The following ITGA6 variants were observed in gnomAD, a reference collection of about 807,000 sequenced individuals.
ITGA6 encodes the protein integrin alpha-6.
In ITGA6, 63 loss-of-function variants were observed where a neutral mutation model predicts 133.6. That is an observed-to-expected ratio of 0.47 (90% CI 0.38 to 0.58). ITGA6 has a LOEUF of 0.58. Among genes scored for constraint, ITGA6 ranks in the 20% least tolerant of loss-of-function variants. ITGA6 has a pLI of 0.00. For missense variants in ITGA6, 1,068 were observed against 1,309.4 expected (o/e 0.82, Z 2.85); for synonymous variants, 434 against 482.0 (o/e 0.90, Z 1.30).
At chr2:172,431,341 C>T (rs1489335434) in intron 1 of ITGA6, among the ~76,000 whole-genome samples, 1 of 152,128 alleles carries the variant, frequency 6.6e-6, no homozygotes, top group Non-Finnish European at 1.5e-5. Flanking sequence ...AATGGAAAAG[C>T]CAGAAATGTT....
chr2:172,489,876 A>G, intron 20 of ITGA6: 1 of 513,338 alleles, frequency 1.9e-6, no homozygotes, highest in Non-Finnish European at 3.5e-6. Context: ...AGAGTCATTC[A>G]GTGCTTGCTG....
Position 172,471,155 on chromosome 2 carries a change from G to C in ITGA6, c.775+50G>C, listed in dbSNP as rs776125056. On this transcript the variant is annotated intron_variant, in intron 5 of 25. Transcript: ENST00000684293. The stretch of plus-strand genomic sequence containing the variant: ...CTTTGCCCACCTTCTCAGATACCTT[G>C]TGTGAAACTCCCTCGCAGGGCCTAT... The C allele has an allele frequency of 1.9e-6, 3 of 1,609,936 alleles. No homozygotes were observed. The South Asian group carries it at 3.3e-5, about 18-fold the overall frequency.
chr2:172,442,153 G>A (rs1405516810), intron 1 of ITGA6, among the ~76,000 whole-genome samples: 1 of 152,134 alleles, frequency 6.6e-6, no homozygotes, highest in Non-Finnish European at 1.5e-5. Flanking sequence ...TCATGTTTCT[G>A]AATAAGGAGT....
rs1684877411 is a variant in ITGA6 at position 172,449,007 on chromosome 2, T to G, written c.183-16532T>G. Among the ~76,000 whole-genome samples the G allele has an allele frequency of 2.0e-5, 3 of 152,214 alleles. No homozygotes were observed. The South Asian group carries it at 6.2e-4, about 32-fold the overall frequency. On this transcript the variant is annotated intron_variant, in intron 1 of 25. Transcript: ENST00000684293. ...GGAGCTTGGTAATTGACAGTGTTTATGGGGTTGGGGGCAAGGTGGCAGGAA... is the reference window on the plus strand; with the variant it reads ...GGAGCTTGGTAATTGACAGTGTTTAGGGGGTTGGGGGCAAGGTGGCAGGAA...
chr2:172,475,514 C>T (rs1686135630), intron 7 of ITGA6, 83 bp from the exon 8 acceptor site: 2 of 846,380 alleles, frequency 2.4e-6, no homozygotes, highest in South Asian at 1.3e-5. Context: ...AATAATAGTG[C>T]TTGTGTCATC....
At chr2:172,439,723 A>G (rs967147460) in intron 1 of ITGA6, among the ~76,000 whole-genome samples, 1 of 148,424 alleles carries the variant, frequency 6.7e-6, no homozygotes, top group African/African-American at 2.4e-5. Flanking sequence ...GACCAGCTCA[A>G]CCTTTTCTCT....
chr2:172,466,223 G>A (rs1685666245), intron 2 of ITGA6, among the ~76,000 whole-genome samples: 1 of 152,212 alleles, frequency 6.6e-6, no homozygotes, highest in Admixed American at 6.5e-5. Flanking sequence ...AGAGCAATTA[G>A]TGTACTGAGA....
chr2:172,457,032 A>G (rs1387968250), intron 1 of ITGA6, among the ~76,000 whole-genome samples: 1 of 152,182 alleles, frequency 6.6e-6, no homozygotes, highest in African/African-American at 2.4e-5. Flanking sequence ...GGTGGCTCAC[A>G]CCTATAATCC....
intron 23 of ITGA6, 40 bp from the exon 24 acceptor site, chr2:172,497,935 C>T (rs774340462): frequency 2.9e-5 from 46 of 1,611,912 alleles, no homozygotes; most frequent in Admixed American, 1.0e-4. Flanking sequence ...GAACTCTTGC[C>T]GCTGTATGTA....
intron 1 of ITGA6, among the ~76,000 whole-genome samples, chr2:172,434,973 C>T (rs1270787744): frequency 6.6e-6 from 1 of 151,704 alleles, no homozygotes; most frequent in East Asian, 1.9e-4. Context: ...ATATCAATGT[C>T]ACTGTGGTTT....
Position 172,457,062 on chromosome 2 carries a change from G to A in ITGA6, c.183-8477G>A, listed in dbSNP as rs141938734. On this transcript the variant is annotated intron_variant, in intron 1 of 25. Transcript: ENST00000684293. ...TAATCCTAACACTTTGGGAGGTTGA[G>A]TTGGGGAGATCACTTGAGGTCAGGA... Among the ~76,000 whole-genome samples the A allele has an allele frequency of 1.8e-3, 270 of 152,302 alleles. 1 individual carries two copies. Among genetic ancestry groups the A allele is most frequent in the African/African-American group, 6.1e-3 (255 of 41,558 alleles).
rs763807146 is a variant in ITGA6 at position 172,491,012 on chromosome 2, A to C, written c.2680-12A>C. 26 of 1,330,652 alleles carry C rather than the reference A, an allele frequency of 2.0e-5. No individual in the cohort carries two copies. In the South Asian group the frequency reaches 3.1e-4, roughly 16 times the overall value. The allele number at this position is 1,330,652 out of a possible 1,614,324, so 82.4% of individuals were successfully genotyped here. ...CATAAATTGGAACTATTTTGGATAT[A>C]ATTTTTTTCAGGAGTCTCACAACTC... On this transcript the variant is annotated splice_polypyrimidine_tract_variant and intron_variant, in intron 20 of 25. Coordinates refer to ENST00000684293, the MANE Select transcript of ITGA6 (RefSeq NM_000210.4). This position sits in a 1 kb window ranked among gnomAD's most constrained non-coding sequence, Gnocchi z 4.4.
chr2:172,490,508 G>C (rs1456453320), intron 20 of ITGA6, among the ~76,000 whole-genome samples: 1 of 152,220 alleles, frequency 6.6e-6, no homozygotes, highest in African/African-American at 2.4e-5. Flanking sequence ...AAGATAATCG[G>C]TTATTACTAA....
chr2:172,502,819 A>G lies in ITGA6; in HGVS notation c.*22+918A>G, dbSNP rs74450955. Among the ~76,000 whole-genome samples, 1,056 of 152,240 alleles carry G rather than the reference A, an allele frequency of 6.9e-3. 8 individuals are homozygous for G. Among genetic ancestry groups the G allele is most frequent in the Non-Finnish European group, 0.011 (724 of 67,994 alleles). On this transcript the variant is annotated intron_variant, in intron 25 of 25. Coordinates refer to ENST00000684293, the MANE Select transcript of ITGA6 (RefSeq NM_000210.4). ...TACGTGGGCATGAGAGGACAGAATT[A>G]CTCCTGTAATCCTTTCCATGGCACT...
chr2:172,454,835 G>T (rs553405032), intron 1 of ITGA6, among the ~76,000 whole-genome samples: 3 of 152,172 alleles, frequency 2.0e-5, no homozygotes, highest in African/African-American at 4.8e-5. Flanking sequence ...ATGCTCGCCC[G>T]CTGGCTTTAC....
At position 172,471,719 on chromosome 2, in the gene ITGA6, T is replaced by C. The variant is rs916853062; in HGVS notation, c.775+614T>C. Among the ~76,000 whole-genome samples the C allele has an allele frequency of 4.6e-5, 7 of 152,098 alleles. 1 individual carries two copies. Among genetic ancestry groups the C allele is most frequent in the African/African-American group, 1.7e-4 (7 of 41,436 alleles). On this transcript the variant is annotated intron_variant, in intron 5 of 25. Transcript: ENST00000684293. ...CTGTGTCTAAGGGCCAATTCTTAAC[T>C]CCTAAGGCTTGTTTGCATGACTAAT...
At chr2:172,431,480 C>A (rs1684103439) in intron 1 of ITGA6, among the ~76,000 whole-genome samples, 1 of 152,214 alleles carries the variant, frequency 6.6e-6, no homozygotes, top group Non-Finnish European at 1.5e-5. Flanking sequence ...TGGACTCTTA[C>A]TATTGACTCT....
chr2:172,499,334 A>G (rs1175028347), intron 24 of ITGA6, among the ~76,000 whole-genome samples: 1 of 151,758 alleles, frequency 6.6e-6, no homozygotes, highest in Non-Finnish European at 1.5e-5. Context: ...CAGTCAATAT[A>G]AAACATTTTT....
At chr2:172,466,112 C>A in intron 2 of ITGA6, 1 of 268,530 alleles carries the variant, frequency 3.7e-6, no homozygotes, top group East Asian at 9.8e-5. Flanking sequence ...TCCCTCCTGT[C>A]TCAGATAGAG....
Sources: gnomAD v4.1 joint callset for allele counts (sites outside exome capture counted in the v4.1 genomes callset) on GRCh38, gnomAD v4.1.1 for gene constraint, Gnocchi (gnomAD v3.1) non-coding constraint, MANE v1.5 for transcripts, NCBI Gene and HGNC (gene_info 2026-07-23, HGNC 2026-07-21) for gene names.